The following AKR1C3 variants were observed in gnomAD, a reference collection of about 807,000 sequenced individuals.
AKR1C3 encodes the protein aldo-keto reductase family 1 member C3.
In AKR1C3, 48 loss-of-function variants were observed where a neutral mutation model predicts 43.6. That is an observed-to-expected ratio of 1.10 (90% confidence interval 0.87 to 1.40). The LOEUF is 1.40. AKR1C3 is among the 40% of genes most tolerant of loss of function. AKR1C3 has a pLI of 0.00. For synonymous variants in AKR1C3, 162 were observed against 139.6 expected, an observed-to-expected ratio of 1.16 and a Z score of -1.13; for missense variants, 482 against 391.2, an observed-to-expected ratio of 1.23 and a Z score of -1.96.
intron 1 of AKR1C3, among the ~76,000 whole-genome samples, chr10:5,078,398 T>C (rs1020836048): frequency 1.3e-5 from 2 of 152,170 alleles, no homozygotes; most frequent in South Asian, 2.1e-4. Context: ...GAACTGATAT[T>C]GCACCACTGC....
intron 1 of AKR1C3, 107 bp from the exon 2 acceptor site, chr10:5,096,303 A>T: frequency 7.3e-7 from 1 of 1,378,240 alleles, no homozygotes; most frequent in Non-Finnish European, 9.8e-7. Context: ...TTCACCCCAC[A>T]TACAGACAGG....
chr10:5,050,151 A>G (rs1449583961), intron 1 of AKR1C3, among the ~76,000 whole-genome samples: 1 of 152,212 alleles, frequency 6.6e-6, no homozygotes, highest in Non-Finnish European at 1.5e-5. Context: ...TCCATATGGA[A>G]TTGCTCACTA....
chr10:5,052,020 A>C (rs1359696487), intron 1 of AKR1C3, among the ~76,000 whole-genome samples: 1 of 152,204 alleles, frequency 6.6e-6, no homozygotes, highest in African/African-American at 2.4e-5. Flanking sequence ...ACTGACTTCA[A>C]GAATGAAGCC....
intron 3 of AKR1C3, 111 bp downstream of exon 3, chr10:5,097,661 A>T: frequency 6.3e-7 from 1 of 1,586,268 alleles, no homozygotes; most frequent in Admixed American, 1.8e-5. Context: ...ATTATCACAC[A>T]GAAGAAGAAC....
chr10:5,073,955 C>T (rs543658151), intron 1 of AKR1C3, among the ~76,000 whole-genome samples: 1 of 152,134 alleles, frequency 6.6e-6, no homozygotes, highest in African/African-American at 2.4e-5. Context: ...AAGCTGGGAA[C>T]TGCTCAGCAC....
intron 8 of AKR1C3, 29 bp downstream of exon 8, chr10:5,105,706 A>C: frequency 6.4e-7 from 1 of 1,560,572 alleles, no homozygotes; most frequent in South Asian, 1.1e-5. Context: ...TGGGTGATCT[A>C]ATTTATTTCT....
intron 1 of AKR1C3, among the ~76,000 whole-genome samples, chr10:5,086,420 A>T (rs1438863185): frequency 6.6e-6 from 1 of 151,420 alleles, no homozygotes; most frequent in Non-Finnish European, 1.5e-5. Context: ...TTCTAGTTTG[A>T]TTGCACTGTG....
intron 1 of AKR1C3, among the ~76,000 whole-genome samples, chr10:5,065,489 G>A (rs1554780705): frequency 6.6e-6 from 1 of 152,206 alleles, no homozygotes; most frequent in East Asian, 1.9e-4. Flanking sequence ...GAAAGAGGGT[G>A]TCCAGGTTCT....
intron 1 of AKR1C3, among the ~76,000 whole-genome samples, chr10:5,049,116 G>GT (rs80118132): frequency 0.58 from 87,396 of 151,676 alleles, 26,013 homozygotes; most frequent in East Asian, 0.8. Context: ...TTGGGGCACT[G>GT]TTTTTTTTCT....
At chr10:5,071,305 A>T (rs72547486) in intron 1 of AKR1C3, among the ~76,000 whole-genome samples, 35 of 152,312 alleles carry the variant, frequency 2.3e-4, no homozygotes, top group Non-Finnish European at 4.0e-4. Flanking sequence ...CAAGAGAATA[A>T]ATAAGCAAGG....
intron 1 of AKR1C3, among the ~76,000 whole-genome samples, chr10:5,056,315 T>A (rs1041687299): frequency 1.3e-5 from 2 of 152,144 alleles, no homozygotes; most frequent in African/African-American, 4.8e-5. Flanking sequence ...GAAGAAGGCA[T>A]CCTTGAGGTC....
chr10:5,049,755 G>T (rs144267763), intron 1 of AKR1C3, among the ~76,000 whole-genome samples: 2 of 152,338 alleles, frequency 1.3e-5, no homozygotes, highest in Non-Finnish European at 2.9e-5. Flanking sequence ...ATCACTGGGA[G>T]AGGACTCATA....
At chr10:5,096,379 C>G (rs1839207526) in intron 1 of AKR1C3, 31 bp from the exon 2 acceptor site, 2 of 1,605,428 alleles carry the variant, frequency 1.2e-6, no homozygotes, top group East Asian at 4.5e-5. Flanking sequence ...CCACAGTGAT[C>G]ACCAGATACT....
In AKR1C3 at chr10:5,105,553, A is replaced by T. The variant is rs782288947; in HGVS notation, c.847-42A>T. On this transcript the variant is annotated intron_variant, in intron 7 of 8. Coordinates refer to ENST00000380554, the MANE Select transcript of AKR1C3 (RefSeq NM_003739.6). ...TGTCTAATATACTTGGGGATTCACA[A>T]CTGGCAATCTAAAAATAATAAAAGT... 5 of 1,471,350 alleles carry T rather than the reference A, an allele frequency of 3.4e-6. No individual in the cohort carries two copies. In the Admixed American group the frequency reaches 7.3e-5, roughly 22 times the overall value. 91.1% of individuals were successfully genotyped at this position (1,471,350 alleles called of 1,614,324 possible). A position where few individuals can be genotyped will look rare whatever the true frequency, so the allele number is the denominator to read the frequency against.
intron 1 of AKR1C3, among the ~76,000 whole-genome samples, chr10:5,086,383 G>T (rs1588347972): frequency 6.6e-6 from 1 of 151,558 alleles, no homozygotes; most frequent in African/African-American, 2.4e-5. Context: ...TAGTTGAGCA[G>T]TTTTGAGTGA....
chr10:5,081,302 C>T (rs1400439839), intron 1 of AKR1C3, among the ~76,000 whole-genome samples: 1 of 152,066 alleles, frequency 6.6e-6, no homozygotes, highest in Non-Finnish European at 1.5e-5. Context: ...AAAACCTAGA[C>T]ATTCATTCAG....
intron 1 of AKR1C3, among the ~76,000 whole-genome samples, chr10:5,083,223 C>A (rs1253005054): frequency 6.6e-6 from 1 of 152,096 alleles, no homozygotes; most frequent in Non-Finnish European, 1.5e-5. Flanking sequence ...CTATCCCTCC[C>A]GACTCCCCCC....
exon 1 of AKR1C3, chr10:5,048,840 T>C (rs782071421): frequency 6.2e-7 from 1 of 1,613,896 alleles, no homozygotes; most frequent in Non-Finnish European, 8.5e-7. Flanking sequence ...TGTTTGAAGC[T>C]AAATGATGGT....
intron 1 of AKR1C3, chr10:5,078,076 C>A: frequency 1.6e-6 from 1 of 616,366 alleles, no homozygotes; most frequent in South Asian, 1.9e-5. Flanking sequence ...AAACAGAAAG[C>A]TATAAAAGGA....
Sources: gnomAD v4.1 joint callset for allele counts (sites outside exome capture counted in the v4.1 genomes callset) on GRCh38, gnomAD v4.1.1 for gene constraint, MANE v1.5 for transcripts, NCBI Gene and HGNC (gene_info 2026-07-23, HGNC 2026-07-21) for gene names.